Variants in TNC observed in about 807,000 individuals in gnomAD.
The protein encoded by TNC is tenascin C.
TNC carries 109 observed loss-of-function variants against 202.4 expected under a neutral mutation model. The ratio of observed to expected loss-of-function variants is 0.54; its 90% confidence interval spans 0.46 to 0.63. The LOEUF (loss-of-function observed/expected upper bound fraction) is 0.63. Among genes scored for constraint, TNC ranks in the 30% least tolerant of loss-of-function variants. The pLI is 0.00. For missense variants in TNC, 2,756 were observed against 2,833.3 expected, an observed-to-expected ratio of 0.97 and a Z score of 0.62; for synonymous variants, 1,007 against 1,089.7, an observed-to-expected ratio of 0.92 and a Z score of 1.50.
chr9:115,084,572 C>G (rs1244260593), intron 3 of TNC, 100 bp from the exon 4 acceptor site: 4 of 1,393,064 alleles, frequency 2.9e-6, no homozygotes, highest in Admixed American at 2.3e-5. Flanking sequence ...CCACAGAGGT[C>G]TGAAGATCTT....
chr9:115,105,663 C>T (rs562036331), intron 1 of TNC, among the ~76,000 whole-genome samples: 1 of 152,272 alleles, frequency 6.6e-6, no homozygotes, highest in South Asian at 2.1e-4. Context: ...AGAGATATGT[C>T]TAACCCCCTT....
chr9:115,097,715 C>G (rs760405747), intron 1 of TNC, among the ~76,000 whole-genome samples: 1 of 152,144 alleles, frequency 6.6e-6, no homozygotes, highest in African/African-American at 2.4e-5. Context: ...AAGAAGATAG[C>G]TGTAATAATA....
chr9:115,090,100 C>A (rs1177855725), intron 2 of TNC, among the ~76,000 whole-genome samples: 2 of 152,186 alleles, frequency 1.3e-5, no homozygotes, highest in South Asian at 4.1e-4. Context: ...AGGAACTCTA[C>A]TCCTTATTGG....
intron 15 of TNC, among the ~76,000 whole-genome samples, chr9:115,048,809 G>A (rs1270789275): frequency 5.9e-5 from 9 of 152,194 alleles, no homozygotes; most frequent in Admixed American, 5.9e-4. Context: ...TTACAAGCTT[G>A]TAAGAAGAGA....
chr9:115,020,231 T>C lies in TNC; in HGVS notation c.*926A>G, dbSNP rs1009354055. 3.3e-5 allele frequency: 5 copies of C among 149,426 alleles called. No homozygotes were observed. Among genetic ancestry groups the C allele is most frequent in the Non-Finnish European group, 3.0e-5 (2 of 67,184 alleles). 9.3% of individuals were successfully genotyped at this position (149,426 alleles called of 1,614,324 possible). On this transcript the variant is annotated 3_prime_UTR_variant, in exon 28 of 28. Transcript: ENST00000350763. ...AATTAAATTTTTTTTTTTTTTTTTTTCTGTAGAGACAAGTTCTCACTATGT... is the reference window on the plus strand; with the variant it reads ...AATTAAATTTTTTTTTTTTTTTTTTCCTGTAGAGACAAGTTCTCACTATGT...
At chr9:115,049,409 T>A (rs967897780) in intron 15 of TNC, among the ~76,000 whole-genome samples, 1 of 152,254 alleles carries the variant, frequency 6.6e-6, no homozygotes, top group Non-Finnish European at 1.5e-5. Context: ...AAGGTAGATA[T>A]TGCTACCTGC....
chr9:115,068,131 A>C (rs1833093362), intron 10 of TNC, among the ~76,000 whole-genome samples: 2 of 152,236 alleles, frequency 1.3e-5, no homozygotes, highest in South Asian at 4.1e-4. Context: ...TCCACATTTC[A>C]ACTGCAAATG....
At chr9:115,065,160 C>T (rs1231496470) in intron 10 of TNC, among the ~76,000 whole-genome samples, 1 of 152,144 alleles carries the variant, frequency 6.6e-6, no homozygotes, top group Admixed American at 6.5e-5. Flanking sequence ...CTTTGGGAGG[C>T]CAAGGTGGGT....
intron 7 of TNC, among the ~76,000 whole-genome samples, chr9:115,077,271 T>A (rs1219416898): frequency 1.3e-5 from 2 of 152,120 alleles, no homozygotes; most frequent in East Asian, 3.9e-4. Context: ...TTAGCCAGAA[T>A]GGTCTCAATC....
In TNC at chr9:115,082,797, T is replaced by C. The variant is rs1168435807; in HGVS notation, c.2142A>G (p.Ala714=). The C allele has an allele frequency of 6.2e-7, 1 of 1,612,836 alleles. No homozygotes were observed. The highest frequency in any genetic ancestry group is 8.5e-7 in the Non-Finnish European group (1 of 1,178,870). Residue 714 remains alanine, a synonymous_variant, in exon 5 of 28, where the codon GCA becomes GCG. Transcript: ENST00000350763. The part of the protein sequence containing the change: ...VSARVATYLP[A]PEGLKFKSIK... ...TGGACTTGAATTTCAGGCCTTCAGGTGCAGGTAAGTCTGTAAGTAACAACA... is the reference window on the plus strand; with the variant it reads ...TGGACTTGAATTTCAGGCCTTCAGGCGCAGGTAAGTCTGTAAGTAACAACA...
chr9:115,046,442 C>G lies in TNC; in HGVS notation c.5093G>C (p.Arg1698Pro), dbSNP rs61734387. 4,632 of 1,614,104 alleles carry G rather than the reference C, an allele frequency of 2.9e-3. 10 individuals are homozygous for G. Among genetic ancestry groups the G allele is most frequent in the South Asian group, 6.8e-3 (621 of 91,084 alleles). ...TGCTATAGCACTGACTGTCTGGGATCGCCTTCCTTTGCTTATTCCATAGAG... is the reference window on the plus strand; with the variant it reads ...TGCTATAGCACTGACTGTCTGGGATGGCCTTCCTTTGCTTATTCCATAGAG... Reference protein sequence around the residue: ...IELYGISKGRRSQTVSAIATT... With the variant: ...IELYGISKGRPSQTVSAIATT... The change falls in exon 17 of 28, where the codon CGA (arginine) becomes CCA (proline). Residue 1698 changes from arginine to proline, a missense_variant. Physicochemically the swap from Arg to Pro is moderately radical, Grantham distance 103. This residue lies in a region of TNC where 2,559 missense variants were observed against 2,546.0 expected (regional missense o/e 1.01). Transcript: ENST00000350763.
At chr9:115,091,360 T>C (rs1009222142) in intron 1 of TNC, among the ~76,000 whole-genome samples, 3 of 152,198 alleles carry the variant, frequency 2.0e-5, no homozygotes, top group African/African-American at 4.8e-5. Context: ...ATTCAACTTC[T>C]GTAAATTTAA....
Position 115,021,122 on chromosome 9 carries a change from G to T in TNC, c.*35C>A. Reference sequence around the variant, plus strand: ...TGGTAAAATCCTTTCCTCGCTCTGGGCCTTATTCCTCTCTCACCCAGTGGT... The same window carrying T: ...TGGTAAAATCCTTTCCTCGCTCTGGTCCTTATTCCTCTCTCACCCAGTGGT... On this transcript the variant is annotated 3_prime_UTR_variant, in exon 28 of 28. Transcript: ENST00000350763. 1 of 1,520,578 alleles carries T rather than the reference G, an allele frequency of 6.6e-7. No individual in the cohort carries two copies. Among genetic ancestry groups the T allele is most frequent in the Non-Finnish European group, 9.1e-7 (1 of 1,095,424 alleles). 94.2% of individuals were successfully genotyped at this position (1,520,578 alleles called of 1,614,324 possible). A position where few individuals can be genotyped will look rare whatever the true frequency, so the allele number is the denominator to read the frequency against.
intron 10 of TNC, among the ~76,000 whole-genome samples, chr9:115,065,899 C>T: frequency 1.1e-5 from 1 of 90,024 alleles, no homozygotes; most frequent in Non-Finnish European, 2.0e-5. Flanking sequence ...GAGACTCCAT[C>T]TCAAAAAAAA....
intron 13 of TNC, among the ~76,000 whole-genome samples, chr9:115,060,997 C>T (rs778203533): frequency 2.6e-5 from 4 of 152,014 alleles, no homozygotes; most frequent in Non-Finnish European, 4.4e-5. Context: ...GGAAATTTAA[C>T]GTAGTTGTTA....
chr9:115,024,682 A>C lies in TNC; in HGVS notation c.6332-546T>G, dbSNP rs114376826. On this transcript the variant is annotated intron_variant, in intron 26 of 27. Coordinates refer to ENST00000350763, the MANE Select transcript of TNC (RefSeq NM_002160.4). Reference sequence around the variant, plus strand: ...CCACATACAAATATTTATTAGTCATAATTAAGCCCTTCAGACATTAGATGT... The same window carrying C: ...CCACATACAAATATTTATTAGTCATCATTAAGCCCTTCAGACATTAGATGT... Among the ~76,000 whole-genome samples the C allele has an allele frequency of 1.3e-3, 196 of 152,338 alleles. 2 individuals carry two copies. The highest frequency in any genetic ancestry group is 4.6e-3 in the African/African-American group (191 of 41,572).
chr9:115,102,123 CT>C (rs1216400451), intron 1 of TNC, among the ~76,000 whole-genome samples: 2 of 152,140 alleles, frequency 1.3e-5, no homozygotes, highest in Non-Finnish European at 2.9e-5. Context: ...CTTTACATGG[CT>C]TGTGCAAGTT....
At chr9:115,077,047 A>G (rs2133168856) in intron 7 of TNC, among the ~76,000 whole-genome samples, 1 of 151,078 alleles carries the variant, frequency 6.6e-6, no homozygotes, top group East Asian at 2.0e-4. Flanking sequence ...GCAGGAGCAC[A>G]CCACCACGCC....
intron 15 of TNC, among the ~76,000 whole-genome samples, chr9:115,051,258 A>C (rs1470339916): frequency 6.6e-6 from 1 of 152,064 alleles, no homozygotes; most frequent in African/African-American, 2.4e-5. Context: ...GGCTTAATTA[A>C]ACTTGAAATT....
Sources: allele counts gnomAD v4.1 joint callset (sites outside exome capture counted in the v4.1 genomes callset), GRCh38; gene constraint gnomAD v4.1.1; regional missense constraint gnomAD v4.1.1; transcripts MANE v1.5; gene names NCBI Gene and HGNC (gene_info 2026-07-23, HGNC 2026-07-21).